ZMAT4: variants seen among roughly 807,000 people sequenced by gnomAD.
ZMAT4 encodes the protein zinc finger matrin-type protein 4.
Under a neutral mutation model 28.7 loss-of-function variants are expected in ZMAT4, and 17 were observed. The ratio of observed to expected loss-of-function variants is 0.59; its 90% CI spans 0.41 to 0.89. The LOEUF (loss-of-function observed/expected upper bound fraction) is 0.89, where lower values mean the gene tolerates loss of function less well. Ranked by LOEUF, ZMAT4 falls within the 40% of genes least tolerant of loss-of-function variation. The pLI is 0.00. For missense variants in ZMAT4, 240 were observed against 283.8 expected (o/e 0.85, Z 1.11); for synonymous variants, 117 against 109.2 (o/e 1.07, Z -0.44).
In ZMAT4 at chr8:40,581,265, T is replaced by C; in HGVS notation, c.578-4A>G. On this transcript the variant is annotated splice_region_variant and splice_polypyrimidine_tract_variant and intron_variant, in intron 5 of 6. Transcript: ENST00000297737. ...CATCTGTAATTGCGCCTCAGACCTGTGGACAACAGACAGACCTGGTTAGCT... is the reference window on the plus strand; with the variant it reads ...CATCTGTAATTGCGCCTCAGACCTGCGGACAACAGACAGACCTGGTTAGCT... The C allele has an allele frequency of 6.2e-7, 1 of 1,612,282 alleles. No homozygotes were observed. The highest frequency in any genetic ancestry group is 8.5e-7 in the Non-Finnish European group (1 of 1,178,606).
intron 3 of ZMAT4, among the ~76,000 whole-genome samples, chr8:40,700,609 G>A (rs1457822203): frequency 6.6e-6 from 1 of 151,882 alleles, no homozygotes; most frequent in Non-Finnish European, 1.5e-5. Context: ...TTTGTAGAGA[G>A]AGAATGTCTA....
chr8:40,651,691 C>T (rs1807659558), intron 5 of ZMAT4, among the ~76,000 whole-genome samples: 1 of 151,896 alleles, frequency 6.6e-6, no homozygotes, highest in East Asian at 1.9e-4. Context: ...TACAAGGCTA[C>T]AGTAACCAAA....
intron 5 of ZMAT4, among the ~76,000 whole-genome samples, chr8:40,603,172 G>A (rs1805457238): frequency 6.6e-6 from 1 of 152,144 alleles, no homozygotes; most frequent in Admixed American, 6.5e-5. Context: ...ACCATTTGTT[G>A]AATAGAGTGT....
intron 1 of ZMAT4, among the ~76,000 whole-genome samples, chr8:40,869,709 G>A (rs965925574): frequency 2.6e-5 from 4 of 152,096 alleles, no homozygotes; most frequent in Non-Finnish European, 4.4e-5. Context: ...ACAATTCCTC[G>A]AACAATACCC....
rs28688740 is a variant in ZMAT4 at position 40,793,632 on chromosome 8, C to T, written c.103-25902G>A. ...GTCATGCCGAAAAGTCCAACGCTTG[C>T]GAACATTTCCAAGTAAAATGAATTG... On this transcript the variant is annotated intron_variant, in intron 2 of 6. Transcript: ENST00000297737. Among the ~76,000 whole-genome samples, 1,430 of 152,268 alleles carry T rather than the reference C, an allele frequency of 9.4e-3. 24 individuals are homozygous for T. Among genetic ancestry groups the T allele is most frequent in the African/African-American group, 0.033 (1,377 of 41,524 alleles).
intron 4 of ZMAT4, among the ~76,000 whole-genome samples, chr8:40,678,709 C>T (rs1297140680): frequency 6.6e-6 from 1 of 152,210 alleles, no homozygotes; most frequent in African/African-American, 2.4e-5. Context: ...CCATTAGACA[C>T]TTTTGCATTG....
chr8:40,593,293 A>G (rs965961196), intron 5 of ZMAT4, among the ~76,000 whole-genome samples: 3 of 152,200 alleles, frequency 2.0e-5, no homozygotes, highest in African/African-American at 7.2e-5. Context: ...TTTGTGGATT[A>G]TGGTATCAAG....
At chr8:40,769,004 C>G (rs1289162974) in intron 2 of ZMAT4, among the ~76,000 whole-genome samples, 3 of 152,182 alleles carry the variant, frequency 2.0e-5, no homozygotes, top group Non-Finnish European at 1.5e-5. Context: ...GATTGTAAAT[C>G]CTTCCTGTCC....
At chr8:40,607,388 C>A (rs1805634304) in intron 5 of ZMAT4, among the ~76,000 whole-genome samples, 1 of 152,014 alleles carries the variant, frequency 6.6e-6, no homozygotes, top group African/African-American at 2.4e-5. Flanking sequence ...ACTCAGCCTC[C>A]CAAAGTACTG....
rs1039835267 is a variant in ZMAT4, at chr8:40,881,588, A to C, written c.-5+16095T>G. On this transcript the variant is annotated intron_variant, in intron 1 of 6. Transcript: ENST00000297737. ...AAAGAAAGAAAGAAAGAAAGAAAGA[A>C]AGAAAGAAAGAAAAGAAAAGAAAAG... Among the ~76,000 whole-genome samples, 15 of 103,950 alleles carry C rather than the reference A, an allele frequency of 1.4e-4. No individual in the cohort carries two copies. In the East Asian group the frequency reaches 3.4e-3, roughly 24 times the overall value. 68.2% of individuals were successfully genotyped at this position (103,950 alleles called of 152,430 possible). A position where few individuals can be genotyped will look rare whatever the true frequency, so the allele number is the denominator to read the frequency against.
At chr8:40,763,587 C>G (rs1326379982) in intron 3 of ZMAT4, among the ~76,000 whole-genome samples, 1 of 152,176 alleles carries the variant, frequency 6.6e-6, no homozygotes, top group Non-Finnish European at 1.5e-5. Flanking sequence ...AAATAAGACA[C>G]CACTTCAAGA....
intron 3 of ZMAT4, among the ~76,000 whole-genome samples, chr8:40,719,365 C>T (rs1345444960): frequency 6.6e-6 from 1 of 152,102 alleles, no homozygotes; most frequent in African/African-American, 2.4e-5. Flanking sequence ...TTGCTTGAAC[C>T]TTGGGGTCGG....
chr8:40,817,427 T>C (rs1027334103), intron 2 of ZMAT4, among the ~76,000 whole-genome samples: 15 of 152,062 alleles, frequency 9.9e-5, no homozygotes, highest in African/African-American at 2.7e-4. Context: ...CAGGGGTCAT[T>C]GGGAAAAATG....
chr8:40,650,298 G>C (rs375572047), intron 5 of ZMAT4, among the ~76,000 whole-genome samples: 77 of 151,104 alleles, frequency 5.1e-4, no homozygotes, highest in Non-Finnish European at 2.4e-4. Context: ...CTACAAACAC[G>C]TCTATGCAAA....
At chr8:40,881,580 AAG>A (rs772184153) in intron 1 of ZMAT4, among the ~76,000 whole-genome samples, 7 of 107,876 alleles carry the variant, frequency 6.5e-5, no homozygotes, top group Admixed American at 1.9e-4. Context: ...GAAAGAAAGA[AAG>A]AAAGAAAGAA....
At chr8:40,769,317 T>C (rs958493571) in intron 2 of ZMAT4, among the ~76,000 whole-genome samples, 1 of 152,224 alleles carries the variant, frequency 6.6e-6, no homozygotes, top group African/African-American at 2.4e-5. Context: ...AACAGACATG[T>C]AGATGTATGT....
chr8:40,618,156 G>A (rs181745768), intron 5 of ZMAT4, among the ~76,000 whole-genome samples: 7 of 152,322 alleles, frequency 4.6e-5, no homozygotes, highest in Admixed American at 2.0e-4. Context: ...ACCCTAGGAA[G>A]AGCACCATCT....
intron 1 of ZMAT4, among the ~76,000 whole-genome samples, chr8:40,865,691 G>C (rs904420068): frequency 8.5e-5 from 13 of 152,200 alleles, no homozygotes; most frequent in Non-Finnish European, 7.3e-5. Context: ...AATTTAGAAT[G>C]TTGGTTACCT....
intron 2 of ZMAT4, among the ~76,000 whole-genome samples, chr8:40,820,139 T>TGC (rs34586850): frequency 8.2e-5 from 1 of 12,210 alleles, no homozygotes; most frequent in South Asian, 3.0e-3. Flanking sequence ...GGACTTTCCA[T>TGC]GTGTGTGTAT....
Sources: gnomAD v4.1 joint callset for allele counts (sites outside exome capture counted in the v4.1 genomes callset) on GRCh38, gnomAD v4.1.1 for gene constraint, MANE v1.5 for transcripts, NCBI Gene and HGNC (gene_info 2026-07-23, HGNC 2026-07-21) for gene names.